SYNE1: variants seen among roughly 807,000 people sequenced by gnomAD.
SYNE1 encodes the protein spectrin repeat containing nuclear envelope protein 1, also known as nesprin-1.
A neutral mutation model predicts 1,111.0 loss-of-function variants in SYNE1; 616 were observed. That is an observed-to-expected ratio of 0.55 (90% CI 0.52 to 0.59). The LOEUF (loss-of-function observed/expected upper bound fraction) is 0.59, where lower values mean the gene tolerates loss of function less well. Among genes scored for constraint, SYNE1 ranks in the 20% least tolerant of loss-of-function variants. The pLI is 0.00. For synonymous variants in SYNE1, 3,855 were observed against 3,825.8 expected (o/e 1.01, Z -0.28); for missense variants, 10,006 against 10,417.0 (o/e 0.96, Z 1.72).
At chr6:152,605,064 G>A (rs113470867) in intron 3 of SYNE1, among the ~76,000 whole-genome samples, 4,907 of 67,182 alleles carry the variant, frequency 0.073, 523 homozygotes, top group Admixed American at 0.12. Context: ...GAGGGAGGGA[G>A]GGAGGGAGGA....
intron 4 of SYNE1, among the ~76,000 whole-genome samples, chr6:152,534,162 AAATAAATAAATG>A (rs1258000357): frequency 6.8e-6 from 1 of 147,098 alleles, no homozygotes; most frequent in African/African-American, 2.6e-5. Context: ...TGTCTCAAAA[AAATAAATAAATG>A]AATGAATGAA....
Position 152,407,246 on chromosome 6 carries a change from A to T in SYNE1, c.6541-50T>A, listed in dbSNP as rs768167249. 12 of 1,572,692 alleles carry T rather than the reference A, an allele frequency of 7.6e-6. No individual in the cohort carries two copies. The Admixed American group carries it at 2.0e-4, about 26-fold the overall frequency. ...CATTCATAGTCAGAGGCGTAAGATG[A>T]TCATCCCCCAACCAAAGTACCAATG... On this transcript the variant is annotated intron_variant, in intron 44 of 145. Coordinates refer to ENST00000367255, the MANE Select transcript of SYNE1 (RefSeq NM_182961.4).
chr6:152,573,518 A>G (rs981460465), intron 3 of SYNE1, among the ~76,000 whole-genome samples: 1 of 152,002 alleles, frequency 6.6e-6, no homozygotes, highest in Admixed American at 6.6e-5. Flanking sequence ...GAAGTGATGA[A>G]AAAGCAGGTT....
chr6:152,166,663 T>C (rs1017774910), intron 130 of SYNE1, among the ~76,000 whole-genome samples: 4 of 152,242 alleles, frequency 2.6e-5, no homozygotes, highest in Admixed American at 1.3e-4. Context: ...TGTGTGTTCA[T>C]ATAGTCCATT....
rs774530841 is a variant in SYNE1, at chr6:152,201,810, G to A, written c.23145+14C>T. 11 of 1,613,754 alleles carry A rather than the reference G, an allele frequency of 6.8e-6. No individual in the cohort carries two copies. In the East Asian group the frequency reaches 1.3e-4, roughly 20 times the overall value. ...CACACAGGTGACGGTGAAAATCTCA[G>A]TTCAGTAATTTACCTTGCAACGCAT... On this transcript the variant is annotated intron_variant, in intron 127 of 145. Coordinates refer to ENST00000367255, the MANE Select transcript of SYNE1 (RefSeq NM_182961.4).
At position 152,347,157 on chromosome 6, in the gene SYNE1, A is replaced by G. The variant is rs1590736126; in HGVS notation, c.11980T>C (p.Cys3994Arg). The G allele has an allele frequency of 6.2e-7, 1 of 1,614,132 alleles. No individual in the cohort carries two copies. Among genetic ancestry groups the G allele is most frequent in the Non-Finnish European group, 8.5e-7 (1 of 1,180,014 alleles). The change falls in exon 73 of 146, where the codon TGT becomes CGT. Residue 3994 changes from cysteine to arginine, a missense_variant. Physicochemically the swap from Cys to Arg is radical, Grantham distance 180. This residue lies in a region of SYNE1 where 4,955 missense variants were observed against 5,017.2 expected (regional missense o/e 0.99). Coordinates refer to ENST00000367255, the MANE Select transcript of SYNE1 (RefSeq NM_182961.4). ...QMKGDTLIGQCADHLQAKLKQ... is the reference protein window; with the variant it reads ...QMKGDTLIGQRADHLQAKLKQ... The stretch of plus-strand genomic sequence containing the variant: ...AGTTTCGCTTGCAGGTGGTCTGCAC[A>G]TTGGCCAATCAAAGTATCACCTTTC...
chr6:152,362,214 G>T lies in SYNE1; in HGVS notation c.10255C>A (p.His3419Asn). The T allele has an allele frequency of 6.2e-7, 1 of 1,614,192 alleles. No individual in the cohort carries two copies. Among genetic ancestry groups the T allele is most frequent in the East Asian group, 2.2e-5 (1 of 44,888 alleles). ...GTTGTTTTATCCCGCAGCTCCGCAT[G>T]CTGCCTTTCTGATTCATTCAGGTTG... ...EANLNESERQHAELRDKTTML... is the reference protein window; with the variant it reads ...EANLNESERQNAELRDKTTML... The change falls in exon 64 of 146, where the codon CAT becomes AAT. Residue 3419 changes from histidine (H) to asparagine (N), a missense_variant. Physicochemically the swap from His to Asn is moderately conservative, Grantham distance 68. Around this residue, in one of 7 missense-constraint regions of SYNE1, gnomAD observed 4,955 missense variants for 5,017.2 expected, o/e 0.99. Coordinates refer to ENST00000367255, the MANE Select transcript of SYNE1 (RefSeq NM_182961.4).
intron 128 of SYNE1, among the ~76,000 whole-genome samples, chr6:152,186,854 A>G (rs2813519): frequency 6.6e-6 from 1 of 152,246 alleles, no homozygotes; most frequent in Non-Finnish European, 1.5e-5. Flanking sequence ...AAACAGATGA[A>G]TGGGCTCACA....
At chr6:152,371,201 A>T (rs926957029) in intron 59 of SYNE1, among the ~76,000 whole-genome samples, 2 of 152,028 alleles carry the variant, frequency 1.3e-5, no homozygotes, top group African/African-American at 4.8e-5. Flanking sequence ...TAGTTCCCAT[A>T]ATCCCCATGT....
chr6:152,247,899 G>A (rs2087892391), intron 105 of SYNE1, among the ~76,000 whole-genome samples: 1 of 149,706 alleles, frequency 6.7e-6, no homozygotes, highest in South Asian at 2.1e-4. Flanking sequence ...CATATTATAT[G>A]TCAGATTATT....
At chr6:152,626,730 T>TA (rs1264280375) in intron 3 of SYNE1, among the ~76,000 whole-genome samples, 26 of 152,318 alleles carry the variant, frequency 1.7e-4, no homozygotes, top group Admixed American at 1.2e-3. Flanking sequence ...TCCAGGCAGA[T>TA]AAACACGAGT....
chr6:152,182,270 T>C (rs2068308162), intron 128 of SYNE1, among the ~76,000 whole-genome samples: 1 of 152,240 alleles, frequency 6.6e-6, no homozygotes, highest in Non-Finnish European at 1.5e-5. Flanking sequence ...GGAATGTTTC[T>C]AGTTGAGTTA....
At chr6:152,537,894 A>T (rs1213090588) in intron 4 of SYNE1, among the ~76,000 whole-genome samples, 1 of 152,166 alleles carries the variant, frequency 6.6e-6, no homozygotes, top group Non-Finnish European at 1.5e-5. Flanking sequence ...ACCTGCCACT[A>T]CCTATTATTA....
intron 93 of SYNE1, among the ~76,000 whole-genome samples, chr6:152,298,505 G>A (rs1213479263): frequency 6.6e-6 from 1 of 152,102 alleles, no homozygotes; most frequent in Non-Finnish European, 1.5e-5. Flanking sequence ...TACACTGTGA[G>A]TGGGACCAGG....
At chr6:152,278,517 T>C (rs1289307066) in intron 97 of SYNE1, among the ~76,000 whole-genome samples, 4 of 151,854 alleles carry the variant, frequency 2.6e-5, no homozygotes, top group African/African-American at 9.7e-5. Flanking sequence ...GGCTGGAGTT[T>C]AGTGGAGCGA....
At chr6:152,156,144 G>A (rs2061339195) in intron 131 of SYNE1, 47 bp from the exon 132 acceptor site, 1 of 1,607,870 alleles carries the variant, frequency 6.2e-7, no homozygotes. Context: ...CATGTATACA[G>A]ATGAGAGAAA....
chr6:152,232,936 C>T (rs761428665), intron 112 of SYNE1, among the ~76,000 whole-genome samples: 10 of 152,254 alleles, frequency 6.6e-5, no homozygotes, highest in African/African-American at 9.6e-5. Context: ...CCTCTGGGGG[C>T]GCACAGCTGT....
intron 44 of SYNE1, among the ~76,000 whole-genome samples, chr6:152,408,468 A>T (rs944023708): frequency 6.6e-6 from 1 of 152,136 alleles, no homozygotes; most frequent in Non-Finnish European, 1.5e-5. Flanking sequence ...CTTCTTTTTT[A>T]TCTATAATTT....
At chr6:152,593,364 C>A (rs1459532298) in intron 3 of SYNE1, among the ~76,000 whole-genome samples, 4 of 152,066 alleles carry the variant, frequency 2.6e-5, no homozygotes, top group Non-Finnish European at 5.9e-5. Context: ...GTGGGCGGAT[C>A]ACGAGGTCAG....
Sources: gnomAD v4.1 joint callset for allele counts (sites outside exome capture counted in the v4.1 genomes callset) on GRCh38, gnomAD v4.1.1 for gene constraint, gnomAD v4.1.1 regional missense constraint, MANE v1.5 for transcripts, NCBI Gene and HGNC (gene_info 2026-07-23, HGNC 2026-07-21) for gene names.